Variants in FBXL7 observed in about 807,000 individuals in gnomAD.
The protein encoded by FBXL7 is F-box and leucine rich repeat protein 7, also known as F-box/LRR-repeat protein 7.
In FBXL7, 12 loss-of-function variants were observed where a neutral mutation model predicts 38.3. The ratio of observed to expected loss-of-function variants is 0.31; its 90% CI spans 0.20 to 0.51. The LOEUF is 0.51. FBXL7 is among the 20% of genes least tolerant of loss of function. The pLI is 0.98. For synonymous variants in FBXL7, 297 were observed against 300.9 expected (o/e 0.99, Z 0.13); for missense variants, 567 against 676.4 (o/e 0.84, Z 1.79).
At chr5:15,746,774 GT>G (rs921205922) in intron 2 of FBXL7, among the ~76,000 whole-genome samples, 2 of 151,968 alleles carry the variant, frequency 1.3e-5, no homozygotes, top group East Asian at 1.9e-4. Flanking sequence ...AATGGCCTTT[GT>G]TTTTTCTAAT....
chr5:15,595,530 A>C (rs1463655969), intron 1 of FBXL7, among the ~76,000 whole-genome samples: 1 of 152,158 alleles, frequency 6.6e-6, no homozygotes, highest in East Asian at 1.9e-4. Flanking sequence ...TTTAATTTTG[A>C]AGTATTATAC....
intron 2 of FBXL7, among the ~76,000 whole-genome samples, chr5:15,901,107 A>G (rs1741223345): frequency 6.6e-6 from 1 of 152,238 alleles, no homozygotes; most frequent in African/African-American, 2.4e-5. Flanking sequence ...CTATTAATGT[A>G]TACTCCACCA....
At chr5:15,549,055 G>A (rs1189374050) in intron 1 of FBXL7, among the ~76,000 whole-genome samples, 4 of 152,116 alleles carry the variant, frequency 2.6e-5, no homozygotes, top group East Asian at 1.9e-4. Flanking sequence ...GGCTTGTAGC[G>A]TTTCATCTTG....
intron 2 of FBXL7, among the ~76,000 whole-genome samples, chr5:15,895,496 A>C (rs938666651): frequency 6.6e-6 from 1 of 152,142 alleles, no homozygotes; most frequent in Admixed American, 6.5e-5. Context: ...TAAGTAAAGA[A>C]GGTGCTATAA....
chr5:15,646,573 A>G (rs1464344761), intron 2 of FBXL7, among the ~76,000 whole-genome samples: 1 of 152,212 alleles, frequency 6.6e-6, no homozygotes, highest in Non-Finnish European at 1.5e-5. Context: ...TCTTTGGCTG[A>G]TCTTATTCCC....
At chr5:15,724,980 T>C (rs954363365) in intron 2 of FBXL7, among the ~76,000 whole-genome samples, 2 of 152,176 alleles carry the variant, frequency 1.3e-5, no homozygotes, top group Non-Finnish European at 2.9e-5. Context: ...TAAAACATTA[T>C]TTAAAAATAC....
intron 2 of FBXL7, among the ~76,000 whole-genome samples, chr5:15,692,234 A>C (rs1404340286): frequency 6.6e-6 from 1 of 152,172 alleles, no homozygotes. Flanking sequence ...AAGAGTACCT[A>C]CTTCATAGAG....
intron 2 of FBXL7, among the ~76,000 whole-genome samples, chr5:15,836,157 C>T (rs1738586686): frequency 6.6e-6 from 1 of 152,160 alleles, no homozygotes; most frequent in Non-Finnish European, 1.5e-5. Flanking sequence ...TGTATCTTAT[C>T]ATTGTACCAT....
At chr5:15,709,163 A>G (rs1743779986) in intron 2 of FBXL7, among the ~76,000 whole-genome samples, 1 of 152,188 alleles carries the variant, frequency 6.6e-6, no homozygotes, top group Admixed American at 6.5e-5. Context: ...TACCGTGGAC[A>G]CATAAGACCT....
intron 2 of FBXL7, among the ~76,000 whole-genome samples, chr5:15,901,747 C>A (rs567493780): frequency 6.6e-6 from 1 of 152,170 alleles, no homozygotes; most frequent in Non-Finnish European, 1.5e-5. Context: ...ATACATAGCA[C>A]AGTGCACTAA....
At chr5:15,706,168 C>T (rs1743673471) in intron 2 of FBXL7, among the ~76,000 whole-genome samples, 1 of 152,148 alleles carries the variant, frequency 6.6e-6, no homozygotes, top group African/African-American at 2.4e-5. Flanking sequence ...GAATAGTATT[C>T]CCCAGTGCTG....
At chr5:15,704,666 C>T (rs1486094305) in intron 2 of FBXL7, among the ~76,000 whole-genome samples, 1 of 152,148 alleles carries the variant, frequency 6.6e-6, no homozygotes, top group African/African-American at 2.4e-5. Context: ...AATACTATTG[C>T]AAACAAGGCT....
chr5:15,684,223 A>G (rs1742941177), intron 2 of FBXL7, among the ~76,000 whole-genome samples: 1 of 152,174 alleles, frequency 6.6e-6, no homozygotes. Flanking sequence ...GAACAAGCCT[A>G]CGCACCTGCT....
chr5:15,916,910 A>G (rs1047134909), intron 2 of FBXL7, among the ~76,000 whole-genome samples: 5 of 152,176 alleles, frequency 3.3e-5, no homozygotes, highest in African/African-American at 1.2e-4. Context: ...AGGGCCCAGA[A>G]TGCATTTCCC....
chr5:15,897,411 G>C (rs1371728447), intron 2 of FBXL7, among the ~76,000 whole-genome samples: 1 of 152,160 alleles, frequency 6.6e-6, no homozygotes, highest in East Asian at 1.9e-4. Context: ...GATCATCAGG[G>C]CATGCATGAT....
chr5:15,537,662 C>T (rs970340127), intron 1 of FBXL7, among the ~76,000 whole-genome samples: 13 of 152,226 alleles, frequency 8.5e-5, no homozygotes, highest in South Asian at 2.1e-4. Context: ...CATAGAAGTA[C>T]GGGGTTTATT....
At chr5:15,657,114 G>C (rs1470691762) in intron 2 of FBXL7, among the ~76,000 whole-genome samples, 2 of 152,032 alleles carry the variant, frequency 1.3e-5, no homozygotes, top group Non-Finnish European at 2.9e-5. Context: ...CCACGTTCCT[G>C]GATAGGAAAA....
chr5:15,767,575 A>C (rs1449443154), intron 2 of FBXL7, among the ~76,000 whole-genome samples: 1 of 152,214 alleles, frequency 6.6e-6, no homozygotes, highest in Admixed American at 6.5e-5. Context: ...TAAAACCAGC[A>C]AACATACATG....
chr5:15,592,672 G>A (rs752838053), intron 1 of FBXL7, among the ~76,000 whole-genome samples: 5 of 152,120 alleles, frequency 3.3e-5, no homozygotes, highest in Non-Finnish European at 7.4e-5. Context: ...ATCAGAGGGA[G>A]GAGAAGATTT....
Sources: gnomAD v4.1 joint callset for allele counts (sites outside exome capture counted in the v4.1 genomes callset) on GRCh38, gnomAD v4.1.1 for gene constraint, MANE v1.5 for transcripts, NCBI Gene and HGNC (gene_info 2026-07-23, HGNC 2026-07-21) for gene names.